Variants in GDA observed in about 807,000 individuals in gnomAD.
GDA encodes guanine deaminase, also known as cytoplasmic PSD-95 interactor.
Under a neutral mutation model 59.6 loss-of-function variants are expected in GDA, and 18 were observed. The observed-to-expected ratio is 0.30, with a 90% CI of 0.21 to 0.45. GDA has a LOEUF of 0.45. GDA is among the 20% of genes least tolerant of loss of function. The pLI, the probability that GDA is intolerant of heterozygous loss-of-function variation, is 1.00. For missense variants in GDA, 427 were observed against 552.3 expected, an observed-to-expected ratio of 0.77 and a Z score of 2.27; for synonymous variants, 201 against 201.1, an observed-to-expected ratio of 1.00 and a Z score of 0.00.
chr9:72,175,629 T>C (rs1021291702), intron 1 of GDA, among the ~76,000 whole-genome samples: 7 of 152,212 alleles, frequency 4.6e-5, no homozygotes, highest in African/African-American at 1.7e-4. Context: ...GAAGGACTTC[T>C]ATGGTGCTAA....
At chr9:72,174,481 A>C (rs1171208417) in intron 1 of GDA, among the ~76,000 whole-genome samples, 11 of 152,194 alleles carry the variant, frequency 7.2e-5, no homozygotes, top group Admixed American at 7.2e-4. Flanking sequence ...AGAAAGTTTA[A>C]GTGATTCAAA....
chr9:72,218,255 A>G (rs1303436371), intron 5 of GDA, among the ~76,000 whole-genome samples: 1 of 152,216 alleles, frequency 6.6e-6, no homozygotes, highest in Non-Finnish European at 1.5e-5. Context: ...GAGATACAGA[A>G]GAAAATGCTT....
intron 1 of GDA, among the ~76,000 whole-genome samples, chr9:72,153,739 C>T (rs1403040314): frequency 6.1e-5 from 9 of 148,180 alleles, no homozygotes; most frequent in African/African-American, 1.8e-4. Context: ...TGCATGTTCT[C>T]ACTCATAGAT....
At chr9:72,224,158 A>G (rs1326390020) in intron 7 of GDA, among the ~76,000 whole-genome samples, 1 of 152,228 alleles carries the variant, frequency 6.6e-6, no homozygotes, top group Non-Finnish European at 1.5e-5. Flanking sequence ...ATACACATGA[A>G]CATTTAAAAA....
intron 1 of GDA, among the ~76,000 whole-genome samples, chr9:72,126,659 C>G (rs1017396098): frequency 6.6e-6 from 1 of 150,602 alleles, no homozygotes; most frequent in Non-Finnish European, 1.5e-5. Context: ...CTCTGCCTCC[C>G]GGGGTCAAGT....
chr9:72,251,121 T>C lies in GDA; in HGVS notation c.*2779T>C. The C allele has an allele frequency of 3.4e-6, 1 of 297,260 alleles. No homozygotes were observed. The highest frequency in any genetic ancestry group is 6.2e-6 in the Non-Finnish European group (1 of 160,558). 18.4% of individuals were successfully genotyped at this position (297,260 alleles called of 1,614,324 possible). A position where few individuals can be genotyped will look rare whatever the true frequency, so the allele number is the denominator to read the frequency against. On this transcript the variant is annotated 3_prime_UTR_variant, in exon 14 of 14. Transcript: ENST00000358399. ...CAAGGGTCTTTCTAAGTTAATACTG[T>C]GAGCATTGAGCCCCCATTAAAACTC...
At chr9:72,178,510 C>T (rs553125289) in intron 1 of GDA, among the ~76,000 whole-genome samples, 18 of 151,534 alleles carry the variant, frequency 1.2e-4, no homozygotes, top group African/African-American at 2.9e-4. Context: ...CTCCACCTCC[C>T]GGGTTCAAGC....
intron 3 of GDA, among the ~76,000 whole-genome samples, chr9:72,209,692 G>C (rs116282529): frequency 2.0e-5 from 3 of 152,116 alleles, no homozygotes; most frequent in Non-Finnish European, 4.4e-5. Flanking sequence ...ATAAGGTGCT[G>C]ACTGGAATTT....
Position 72,160,959 on chromosome 9 carries a change from T to A in GDA, c.123+11277T>A, listed in dbSNP as rs116104189. On this transcript the variant is annotated intron_variant, in intron 1 of 13. Transcript: ENST00000358399. ...TCCTGCCTTCCTTCCACAGGCAGAG[T>A]GCAGTGGTACAATCTTGGCTCACTG... is the stretch of plus-strand genomic sequence containing the variant. Among the ~76,000 whole-genome samples the A allele has an allele frequency of 7.4e-3, 1,125 of 152,260 alleles. 19 individuals are homozygous for A. The highest frequency in any genetic ancestry group is 0.025 in the African/African-American group (1,043 of 41,540).
intron 2 of GDA, among the ~76,000 whole-genome samples, chr9:72,199,622 C>G (rs941337324): frequency 1.3e-5 from 2 of 152,206 alleles, no homozygotes; most frequent in Non-Finnish European, 2.9e-5. Context: ...GCACTTAGTG[C>G]AGTAACAAAA....
chr9:72,185,419 A>T (rs1831744793), intron 1 of GDA, among the ~76,000 whole-genome samples: 1 of 152,174 alleles, frequency 6.6e-6, no homozygotes, highest in Non-Finnish European at 1.5e-5. Flanking sequence ...TGCCTTTGTA[A>T]CATTATTCGC....
intron 1 of GDA, among the ~76,000 whole-genome samples, chr9:72,115,971 C>T (rs947841230): frequency 4.6e-5 from 7 of 152,152 alleles, no homozygotes; most frequent in African/African-American, 1.4e-4. Flanking sequence ...TGGTGGCTCA[C>T]GCCTGTAATC....
downstream of GDA, among the ~76,000 whole-genome samples, chr9:72,255,121 G>A (rs1587827891): frequency 6.6e-6 from 1 of 152,330 alleles, no homozygotes; most frequent in East Asian, 1.9e-4. Context: ...TCCCTACAGA[G>A]CAGGGCTAAC....
At chr9:72,240,377 T>G (rs1564180610) in intron 10 of GDA, among the ~76,000 whole-genome samples, 3 of 152,222 alleles carry the variant, frequency 2.0e-5, no homozygotes, top group African/African-American at 7.2e-5. Flanking sequence ...TTAAACCACA[T>G]ATTATCTAAA....
intron 1 of GDA, among the ~76,000 whole-genome samples, chr9:72,194,414 A>G (rs1832909696): frequency 6.6e-6 from 1 of 152,128 alleles, no homozygotes; most frequent in Non-Finnish European, 1.5e-5. Context: ...TCAAGGAGCT[A>G]GGGCCTGGAA....
At chr9:72,166,297 G>T (rs1031641493) in intron 1 of GDA, among the ~76,000 whole-genome samples, 1 of 151,914 alleles carries the variant, frequency 6.6e-6, no homozygotes, top group African/African-American at 2.4e-5. Context: ...ACAAGATTTG[G>T]AAAGGAAATG....
At chr9:72,219,537 G>A (rs370187864) in intron 6 of GDA, 31 bp downstream of exon 6, 3 of 1,546,338 alleles carry the variant, frequency 1.9e-6, no homozygotes, top group Admixed American at 1.8e-5. Context: ...CTCGCTTTTA[G>A]ATTGCCTTTG....
At chr9:72,247,812 A>C (rs1393708892) in intron 13 of GDA, among the ~76,000 whole-genome samples, 1 of 152,194 alleles carries the variant, frequency 6.6e-6, no homozygotes, top group African/African-American at 2.4e-5. Flanking sequence ...ATTCAATTCC[A>C]TTCACTGAGA....
intron 3 of GDA, among the ~76,000 whole-genome samples, chr9:72,205,933 T>A (rs918783409): frequency 2.0e-5 from 3 of 152,208 alleles, no homozygotes; most frequent in East Asian, 1.9e-4. Context: ...TATCAGTGTT[T>A]GTGTAGTGCT....
Sources: allele counts gnomAD v4.1 joint callset (sites outside exome capture counted in the v4.1 genomes callset), GRCh38; gene constraint gnomAD v4.1.1; transcripts MANE v1.5; gene names NCBI Gene and HGNC (gene_info 2026-07-23, HGNC 2026-07-21).